The following CTNNA3 variants were observed in gnomAD, a reference collection of about 807,000 sequenced individuals.
CTNNA3 encodes the protein catenin alpha-3.
A neutral mutation model predicts 95.7 loss-of-function variants in CTNNA3; 76 were observed. The ratio of observed to expected loss-of-function variants is 0.79; its 90% CI spans 0.66 to 0.96. The LOEUF (loss-of-function observed/expected upper bound fraction) is 0.96, where lower values mean the gene tolerates loss of function less well. Ranked by LOEUF, CTNNA3 falls within the 40% of genes least tolerant of loss-of-function variation. The probability of loss-of-function intolerance (pLI) is 0.00; values close to 1 mark genes in which losing one functional copy is unlikely to be tolerated. For synonymous variants in CTNNA3, 431 were observed against 374.4 expected, an observed-to-expected ratio of 1.15 and a Z score of -1.74; for missense variants, 1,191 against 1,089.8, an observed-to-expected ratio of 1.09 and a Z score of -1.31.
chr10:67,457,679 C>G (rs1847223482), intron 5 of CTNNA3, among the ~76,000 whole-genome samples: 1 of 152,102 alleles, frequency 6.6e-6, no homozygotes, highest in African/African-American at 2.4e-5. Context: ...GGACTGCGTT[C>G]CTTCTGGAGG....
At chr10:66,093,181 A>T (rs1292847133) in intron 14 of CTNNA3, among the ~76,000 whole-genome samples, 1 of 151,938 alleles carries the variant, frequency 6.6e-6, no homozygotes, top group Non-Finnish European at 1.5e-5. Flanking sequence ...TTAAACTTTA[A>T]TTTTTCTCTG....
intron 16 of CTNNA3, among the ~76,000 whole-genome samples, chr10:65,979,837 A>G (rs1271622557): frequency 6.6e-6 from 1 of 152,086 alleles, no homozygotes; most frequent in African/African-American, 2.4e-5. Flanking sequence ...CAAATATTTC[A>G]GTATACATTT....
At chr10:67,447,497 G>C (rs904069944) in intron 5 of CTNNA3, among the ~76,000 whole-genome samples, 3 of 152,036 alleles carry the variant, frequency 2.0e-5, no homozygotes, top group Admixed American at 6.6e-5. Flanking sequence ...TCTTCTCCTT[G>C]CTCCTTGTTC....
At chr10:66,445,735 T>C (rs996063963) in intron 11 of CTNNA3, among the ~76,000 whole-genome samples, 1 of 151,052 alleles carries the variant, frequency 6.6e-6, no homozygotes, top group Non-Finnish European at 1.5e-5. Context: ...AGATCCAAAA[T>C]TGACACCCTA....
At chr10:66,791,085 A>G (rs1216554552) in intron 7 of CTNNA3, among the ~76,000 whole-genome samples, 1 of 152,184 alleles carries the variant, frequency 6.6e-6, no homozygotes, top group Non-Finnish European at 1.5e-5. Context: ...CTCTACAGCC[A>G]GTGTGATCTT....
chr10:67,233,076 C>T (rs906439693), intron 5 of CTNNA3, among the ~76,000 whole-genome samples: 1 of 152,094 alleles, frequency 6.6e-6, no homozygotes, highest in African/African-American at 2.4e-5. Context: ...ACTTTAACAC[C>T]CCACTGTCAA....
chr10:66,633,462 C>CCA (rs1845218857), intron 9 of CTNNA3, among the ~76,000 whole-genome samples: 1 of 152,050 alleles, frequency 6.6e-6, no homozygotes, highest in Non-Finnish European at 1.5e-5. Flanking sequence ...GGGCAGATCA[C>CCA]GAGGTCAGGA....
chr10:66,744,117 C>T (rs771906198), intron 9 of CTNNA3, among the ~76,000 whole-genome samples: 2 of 152,050 alleles, frequency 1.3e-5, no homozygotes, highest in Middle Eastern at 6.8e-3. Context: ...TGCACGCTCT[C>T]AGACCTATGA....
Position 66,078,576 on chromosome 10 carries a change from T to A in CTNNA3, c.1978-9087A>T, listed in dbSNP as rs183872840. On this transcript the variant is annotated intron_variant, in intron 14 of 17. Transcript: ENST00000433211. ...AATTTTGTAACATTCATGTAAATTA[T>A]TTACTCATACTTAACACTCAACTGA... Among the ~76,000 whole-genome samples the A allele has an allele frequency of 2.2e-4, 34 of 152,048 alleles. No homozygotes were observed. In the South Asian group the frequency reaches 5.0e-3, roughly 22 times the overall value.
chr10:67,060,261 T>G (rs1311548859), intron 7 of CTNNA3, among the ~76,000 whole-genome samples: 2 of 152,146 alleles, frequency 1.3e-5, no homozygotes, highest in South Asian at 4.1e-4. Context: ...GAGGCTGCAG[T>G]GAGCCGAGAT....
rs187376023 is a variant in CTNNA3, at chr10:66,092,942, T to A, written c.1977+10215A>T. ...ATAAAAAAGATATCTTTTTAATTTTTAAAAATTATATACTAAGCAATTCAG... is the reference window on the plus strand; with the variant it reads ...ATAAAAAAGATATCTTTTTAATTTTAAAAAATTATATACTAAGCAATTCAG... On this transcript the variant is annotated intron_variant, in intron 14 of 17. Coordinates refer to ENST00000433211, the MANE Select transcript of CTNNA3 (RefSeq NM_013266.4). Among the ~76,000 whole-genome samples the A allele has an allele frequency of 2.6e-3, 391 of 152,100 alleles. 5 individuals carry two copies. The highest frequency in any genetic ancestry group is 9.0e-3 in the African/African-American group (376 of 41,556).
At chr10:66,658,136 A>G (rs561441337) in intron 9 of CTNNA3, among the ~76,000 whole-genome samples, 88 of 151,534 alleles carry the variant, frequency 5.8e-4, no homozygotes, top group Non-Finnish European at 1.1e-3. Flanking sequence ...CTTTCACCTA[A>G]CTCTAGTACT....
chr10:66,679,936 G>A (rs1431708707), intron 9 of CTNNA3, among the ~76,000 whole-genome samples: 1 of 152,118 alleles, frequency 6.6e-6, no homozygotes. Context: ...TTATGTTACT[G>A]TGAGCTGAGA....
chr10:67,172,718 A>G (rs1862070195), intron 7 of CTNNA3, among the ~76,000 whole-genome samples: 1 of 152,164 alleles, frequency 6.6e-6, no homozygotes, highest in Non-Finnish European at 1.5e-5. Context: ...TTACGCCTGT[A>G]ATCCCAGCAC....
At chr10:66,317,917 C>T (rs2092123790) in intron 12 of CTNNA3, among the ~76,000 whole-genome samples, 1 of 151,960 alleles carries the variant, frequency 6.6e-6, no homozygotes, top group South Asian at 2.1e-4. Context: ...CTAATGGATT[C>T]TCCTTTTATT....
rs1378210255 is a variant in CTNNA3 at position 67,193,921 on chromosome 10, C to T, written c.844-13401G>A. Among the ~76,000 whole-genome samples the T allele has an allele frequency of 3.9e-5, 6 of 152,024 alleles. No individual in the cohort carries two copies. In the East Asian group the frequency reaches 1.2e-3, roughly 29 times the overall value. ...TCCACAATGGTTGAACTAATTTAGG[C>T]TCCCACTAGCTGTGTATAAGTGTTC... On this transcript the variant is annotated intron_variant, in intron 6 of 17. Coordinates refer to ENST00000433211, the MANE Select transcript of CTNNA3 (RefSeq NM_013266.4).
At chr10:66,604,766 G>C (rs142466772) in intron 10 of CTNNA3, among the ~76,000 whole-genome samples, 2 of 145,408 alleles carry the variant, frequency 1.4e-5, no homozygotes, top group African/African-American at 2.6e-5. Flanking sequence ...CAAACCCTCA[G>C]GGTCATCAAA....
intron 5 of CTNNA3, among the ~76,000 whole-genome samples, chr10:67,397,824 G>A (rs1301149821): frequency 1.3e-5 from 2 of 152,220 alleles, no homozygotes; most frequent in East Asian, 3.9e-4. Context: ...AAGGGGTCAA[G>A]GTACAGCTCA....
At chr10:67,304,322 C>T (rs919547646) in intron 5 of CTNNA3, among the ~76,000 whole-genome samples, 2 of 152,180 alleles carry the variant, frequency 1.3e-5, no homozygotes, top group Admixed American at 1.3e-4. Flanking sequence ...CAAGTACATA[C>T]ACAAGAATAA....
Sources: gnomAD v4.1 joint callset for allele counts (sites outside exome capture counted in the v4.1 genomes callset) on GRCh38, gnomAD v4.1.1 for gene constraint, MANE v1.5 for transcripts, NCBI Gene and HGNC (gene_info 2026-07-23, HGNC 2026-07-21) for gene names.